Variants in RBFOX1 observed in about 807,000 individuals in gnomAD.
RBFOX1 encodes RNA binding fox-1 homolog 1.
A neutral mutation model predicts 57.7 loss-of-function variants in RBFOX1; 8 were observed. The observed-to-expected ratio is 0.14, with a 90% CI of 0.08 to 0.25. RBFOX1 has a LOEUF of 0.25. RBFOX1 is among the 10% of genes least tolerant of loss of function. RBFOX1 has a pLI of 1.00. For synonymous variants in RBFOX1, 326 were observed against 222.4 expected (o/e 1.47, Z -4.15); for missense variants, 611 against 548.5 (o/e 1.11, Z -1.14).
intron 4 of RBFOX1, among the ~76,000 whole-genome samples, chr16:7,392,714 C>A (rs1440535640): frequency 1.3e-5 from 2 of 152,172 alleles, no homozygotes; most frequent in African/African-American, 4.8e-5. Flanking sequence ...TGTTAAGAAA[C>A]TGAAAACTTC....
intron 1 of RBFOX1, among the ~76,000 whole-genome samples, chr16:6,030,844 A>T (rs1056272337): frequency 2.6e-5 from 4 of 152,188 alleles, no homozygotes; most frequent in South Asian, 4.2e-4. Context: ...TGGGCCATTT[A>T]TTGCCTTTTT....
At position 7,328,013 on chromosome 16, in the gene RBFOX1, T is replaced by C. The variant is rs866005123; in HGVS notation, c.28-190134T>C. On this transcript the variant is annotated intron_variant, in intron 4 of 15. Transcript: ENST00000550418. ...ACTTCTGTTTCTTCCTTCTCTTTCA[T>C]TGACGTCTAAACTTTGAGAGGCTAC... Among the ~76,000 whole-genome samples, 10 of 152,268 alleles carry C rather than the reference T, an allele frequency of 6.6e-5. No individual in the cohort carries two copies. In the South Asian group the frequency reaches 1.2e-3, roughly 19 times the overall value.
At chr16:6,378,752 C>T (rs2091479334) in intron 2 of RBFOX1, among the ~76,000 whole-genome samples, 1 of 152,192 alleles carries the variant, frequency 6.6e-6, no homozygotes, top group South Asian at 2.1e-4. Flanking sequence ...CTGGTCTCAA[C>T]AACCTCTTTA....
intron 4 of RBFOX1, among the ~76,000 whole-genome samples, chr16:7,355,860 C>T (rs2097205881): frequency 6.6e-6 from 1 of 152,240 alleles, no homozygotes; most frequent in Admixed American, 6.5e-5. Flanking sequence ...TCATTTGCAG[C>T]TCCCTCCACC....
intron 3 of RBFOX1, among the ~76,000 whole-genome samples, chr16:5,794,595 G>GT (rs1417618859): frequency 6.6e-6 from 1 of 152,156 alleles, no homozygotes; most frequent in African/African-American, 2.4e-5. Context: ...CAGATGTTGT[G>GT]TGTCAAGGCA....
At chr16:6,517,679 C>T (rs1396544116) in intron 2 of RBFOX1, among the ~76,000 whole-genome samples, 2 of 152,186 alleles carry the variant, frequency 1.3e-5, no homozygotes, top group Admixed American at 6.5e-5. Flanking sequence ...TGGCCTCTTT[C>T]CTATTGTCTC....
rs45630530 is a variant in RBFOX1 at position 7,158,800 on chromosome 16, G to T, written c.27+106702G>T. Among the ~76,000 whole-genome samples the T allele has an allele frequency of 2.0e-5, 3 of 151,940 alleles. No homozygotes were observed. The South Asian group carries it at 6.2e-4, about 32-fold the overall frequency. On this transcript the variant is annotated intron_variant, in intron 4 of 15. Coordinates refer to ENST00000550418, the MANE Select transcript of RBFOX1 (RefSeq NM_018723.4). ...TGTGTGTCTGCATGCATATGCGTTT[G>T]TGTGGTGTTTGTGTCTCTAGTGTCA...
At chr16:6,011,768 C>G (rs1473624855) in intron 4 of RBFOX1, among the ~76,000 whole-genome samples, 2 of 152,162 alleles carry the variant, frequency 1.3e-5, no homozygotes, top group African/African-American at 4.8e-5. Flanking sequence ...TTGCTAATGA[C>G]CACGCACGCT....
intron 3 of RBFOX1, among the ~76,000 whole-genome samples, chr16:5,854,668 G>A (rs2056980762): frequency 6.6e-6 from 1 of 151,864 alleles, no homozygotes; most frequent in Admixed American, 6.6e-5. Flanking sequence ...TCCATACTTT[G>A]CTGTAGTGAG....
chr16:5,741,748 C>A (rs533306949), intron 3 of RBFOX1, among the ~76,000 whole-genome samples: 1 of 152,108 alleles, frequency 6.6e-6, no homozygotes, highest in South Asian at 2.1e-4. Context: ...TCCACAAGGA[C>A]GTATTTTATA....
At chr16:6,810,105 T>A (rs1369343363) in intron 3 of RBFOX1, among the ~76,000 whole-genome samples, 4 of 151,928 alleles carry the variant, frequency 2.6e-5, no homozygotes, top group Non-Finnish European at 4.4e-5. Context: ...GTATCTATCT[T>A]TTCTTGTCAA....
At chr16:5,310,532 G>A (rs1414249919) in intron 1 of RBFOX1, among the ~76,000 whole-genome samples, 2 of 152,190 alleles carry the variant, frequency 1.3e-5, no homozygotes, top group African/African-American at 4.8e-5. Context: ...TGTATATGGA[G>A]GAGGGGGTGA....
chr16:7,265,957 G>GTTTTT (rs2095113306), intron 4 of RBFOX1, among the ~76,000 whole-genome samples: 2 of 128,370 alleles, frequency 1.6e-5, no homozygotes, highest in African/African-American at 7.1e-5. Flanking sequence ...AGATCTGGTG[G>GTTTTT]GTTTTTGTTT....
chr16:7,126,121 A>C (rs1600262079), intron 4 of RBFOX1, among the ~76,000 whole-genome samples: 1 of 152,156 alleles, frequency 6.6e-6, no homozygotes, highest in Non-Finnish European at 1.5e-5. Flanking sequence ...AGTTTACATG[A>C]ATGAGCTTTC....
At chr16:5,668,689 T>C (rs1160369922) in intron 3 of RBFOX1, among the ~76,000 whole-genome samples, 2 of 152,210 alleles carry the variant, frequency 1.3e-5, no homozygotes, top group African/African-American at 4.8e-5. Flanking sequence ...ATCATCAAGA[T>C]GTCTCTGTAT....
At chr16:7,404,546 C>T (rs78362743) in intron 4 of RBFOX1, among the ~76,000 whole-genome samples, 1,573 of 152,228 alleles carry the variant, frequency 0.01, 23 homozygotes, top group African/African-American at 0.036. Flanking sequence ...ATTTCTGCTT[C>T]ACAGTTCAAA....
chr16:6,922,356 C>A (rs1329028399), intron 3 of RBFOX1, among the ~76,000 whole-genome samples: 1 of 152,100 alleles, frequency 6.6e-6, no homozygotes, highest in Non-Finnish European at 1.5e-5. Flanking sequence ...ATGCTGCAGC[C>A]CCTTGCAAGC....
chr16:7,032,682 C>A (rs375374894), intron 3 of RBFOX1, among the ~76,000 whole-genome samples: 1 of 151,876 alleles, frequency 6.6e-6, no homozygotes, highest in Non-Finnish European at 1.5e-5. Flanking sequence ...CTAATAATTC[C>A]AGTGAACACA....
At chr16:7,672,800 C>G (rs3785205) in intron 13 of RBFOX1, among the ~76,000 whole-genome samples, 78,979 of 141,580 alleles carry the variant, frequency 0.56, 22,609 homozygotes, top group Admixed American at 0.66. Context: ...CTGGGAGACA[C>G]AGATTGCAGT....
Sources: gnomAD v4.1 joint callset for allele counts (sites outside exome capture counted in the v4.1 genomes callset) on GRCh38, gnomAD v4.1.1 for gene constraint, MANE v1.5 for transcripts, NCBI Gene and HGNC (gene_info 2026-07-23, HGNC 2026-07-21) for gene names.